SPAG16: variants seen among roughly 807,000 people sequenced by gnomAD.
The protein encoded by SPAG16 is sperm-associated antigen 16 protein.
SPAG16 carries 86 observed loss-of-function variants against 80.4 expected under a neutral mutation model. The observed-to-expected ratio is 1.07, with a 90% confidence interval of 0.90 to 1.28. The LOEUF (loss-of-function observed/expected upper bound fraction) is 1.28. Among genes scored for constraint, SPAG16 ranks in the 50% most tolerant of loss-of-function variants. The pLI, the probability that SPAG16 is intolerant of heterozygous loss-of-function variation, is 0.00. For synonymous variants in SPAG16, 294 were observed against 265.9 expected (o/e 1.11, Z -1.03); for missense variants, 870 against 765.3 (o/e 1.14, Z -1.61).
At chr2:213,290,640 A>G (rs1319105654) in intron 1 of SPAG16, among the ~76,000 whole-genome samples, 3 of 152,202 alleles carry the variant, frequency 2.0e-5, no homozygotes, top group Non-Finnish European at 4.4e-5. Context: ...CCAGAATGCT[A>G]GCTTATTATT....
intron 15 of SPAG16, among the ~76,000 whole-genome samples, chr2:214,374,876 T>A (rs1333037687): frequency 1.3e-5 from 2 of 152,222 alleles, no homozygotes; most frequent in African/African-American, 4.8e-5. Flanking sequence ...GTCTTTTATT[T>A]ATTTCTTGTG....
At chr2:213,860,456 TATAC>T (rs2075393460) in intron 10 of SPAG16, among the ~76,000 whole-genome samples, 1 of 119,338 alleles carries the variant, frequency 8.4e-6, no homozygotes, top group Non-Finnish European at 1.9e-5. Context: ...TATGTATATA[TATAC>T]AGATATATCT....
chr2:214,215,972 C>A (rs2058421356), intron 15 of SPAG16, among the ~76,000 whole-genome samples: 1 of 152,164 alleles, frequency 6.6e-6, no homozygotes, highest in Non-Finnish European at 1.5e-5. Context: ...TTTGAAAAGG[C>A]CTGATAGATA....
intron 3 of SPAG16, among the ~76,000 whole-genome samples, chr2:213,309,315 A>C (rs1262760804): frequency 1.3e-5 from 2 of 152,238 alleles, no homozygotes; most frequent in East Asian, 3.9e-4. Context: ...TTTATTTATA[A>C]GAACTGTTAG....
intron 9 of SPAG16, among the ~76,000 whole-genome samples, chr2:213,435,405 T>C (rs1575583889): frequency 6.6e-6 from 1 of 151,852 alleles, no homozygotes; most frequent in Non-Finnish European, 1.5e-5. Flanking sequence ...GAAGCAGGGG[T>C]GAGGGACAAG....
intron 13 of SPAG16, among the ~76,000 whole-genome samples, chr2:214,017,381 G>GAATA (rs2047645381): frequency 6.6e-6 from 1 of 152,068 alleles, no homozygotes; most frequent in South Asian, 2.1e-4. Flanking sequence ...ATTGGTAGAG[G>GAATA]AATATCCATA....
intron 5 of SPAG16, among the ~76,000 whole-genome samples, chr2:213,321,670 T>C (rs922521875): frequency 6.6e-6 from 1 of 152,172 alleles, no homozygotes; most frequent in African/African-American, 2.4e-5. Flanking sequence ...TTTTCTCTGT[T>C]GTCAACAGTG....
chr2:213,692,810 GA>G (rs747223234), intron 10 of SPAG16, among the ~76,000 whole-genome samples: 2,145 of 86,122 alleles, frequency 0.025, 54 homozygotes, highest in African/African-American at 0.081. Context: ...ACTCGGTCTC[GA>G]AAAAAAAAAA....
At chr2:213,513,716 T>C (rs116458318) in intron 10 of SPAG16, among the ~76,000 whole-genome samples, 187 of 152,316 alleles carry the variant, frequency 1.2e-3, no homozygotes, top group African/African-American at 4.1e-3. Flanking sequence ...GCGGAATCTC[T>C]GTCACATCGT....
intron 10 of SPAG16, among the ~76,000 whole-genome samples, chr2:213,633,445 A>G (rs1402169757): frequency 1.3e-5 from 2 of 152,138 alleles, no homozygotes; most frequent in Non-Finnish European, 2.9e-5. Flanking sequence ...GCTCTAATAT[A>G]TAGTCTATCA....
rs140046610 is a variant in SPAG16 at position 214,149,813 on chromosome 2, G to A, written c.1720+547G>A. Among the ~76,000 whole-genome samples, 586 of 152,062 alleles carry A rather than the reference G, an allele frequency of 3.9e-3. 2 individuals are homozygous for A. The highest frequency in any genetic ancestry group is 6.0e-3 in the Non-Finnish European group (405 of 67,928). Reference sequence around the variant, plus strand: ...TAGTTTTTATTCCACAATGATATAAGTATTATCAATTAGATAAAATATTTT... The same window carrying A: ...TAGTTTTTATTCCACAATGATATAAATATTATCAATTAGATAAAATATTTT... On this transcript the variant is annotated intron_variant, in intron 15 of 15. Coordinates refer to ENST00000331683, the MANE Select transcript of SPAG16 (RefSeq NM_024532.5).
chr2:214,375,080 C>T lies in SPAG16; in HGVS notation c.1721-35060C>T, dbSNP rs140042712. On this transcript the variant is annotated intron_variant, in intron 15 of 15. Coordinates refer to ENST00000331683, the MANE Select transcript of SPAG16 (RefSeq NM_024532.5). ...GAACATGTGTCAGAACAGGGTATCT[C>T]ACCTTAATCAGCCACAGAACTAATT... Among the ~76,000 whole-genome samples, 505 of 152,248 alleles carry T rather than the reference C, an allele frequency of 3.3e-3. 1 individual carries two copies. The Middle Eastern group carries it at 0.034, about 10-fold the overall frequency.
At chr2:213,837,276 A>G (rs1014086376) in intron 10 of SPAG16, among the ~76,000 whole-genome samples, 1 of 152,218 alleles carries the variant, frequency 6.6e-6, no homozygotes, top group Admixed American at 6.5e-5. Flanking sequence ...ATTAGAATCT[A>G]TTTACTATAT....
chr2:213,853,918 C>T (rs192061503), intron 10 of SPAG16, among the ~76,000 whole-genome samples: 10 of 152,096 alleles, frequency 6.6e-5, no homozygotes, highest in South Asian at 2.1e-4. Context: ...TCTTCAGCTC[C>T]GCATGCCCAG....
At chr2:213,681,721 A>G (rs977158769) in intron 10 of SPAG16, among the ~76,000 whole-genome samples, 1 of 152,198 alleles carries the variant, frequency 6.6e-6, no homozygotes, top group Non-Finnish European at 1.5e-5. Context: ...ACCTTCTGAA[A>G]TATGCATAGC....
chr2:213,297,344 A>C lies in SPAG16; in HGVS notation c.266A>C (p.Asp89Ala), dbSNP rs561908459. The C allele has an allele frequency of 1.2e-6, 2 of 1,608,500 alleles. No individual in the cohort carries two copies. The highest frequency in any genetic ancestry group is 2.2e-5 in the South Asian group (2 of 90,188). The change falls in exon 3 of 16, where the codon GAT becomes GCT. Residue 89 changes from aspartate (D) to alanine (A), a missense_variant. Asp to Ala is a moderately radical substitution (Grantham distance 126, BLOSUM62 -2). Coordinates refer to ENST00000331683, the MANE Select transcript of SPAG16 (RefSeq NM_024532.5). ...CAGATGGCCCAAGAACAGGCTACAGATACTGAAATTTTGGTGAGAATTTGA... is the reference window on the plus strand; with the variant it reads ...CAGATGGCCCAAGAACAGGCTACAGCTACTGAAATTTTGGTGAGAATTTGA... ...AIQMAQEQATDTEILERKTVL... is the reference protein window; with the variant it reads ...AIQMAQEQATATEILERKTVL...
intron 9 of SPAG16, among the ~76,000 whole-genome samples, chr2:213,465,060 C>G (rs540525078): frequency 6.6e-6 from 1 of 152,286 alleles, no homozygotes; most frequent in African/African-American, 2.4e-5. Context: ...GCAATTTCAT[C>G]TATCTCCTTT....
At chr2:213,901,903 C>A (rs1311864670) in intron 11 of SPAG16, among the ~76,000 whole-genome samples, 3 of 152,066 alleles carry the variant, frequency 2.0e-5, no homozygotes, top group Non-Finnish European at 4.4e-5. Context: ...TCCTATAGAA[C>A]CATGTGAACA....
At chr2:213,656,369 A>G (rs111411189) in intron 10 of SPAG16, among the ~76,000 whole-genome samples, 2,933 of 152,182 alleles carry the variant, frequency 0.019, 44 homozygotes, top group Middle Eastern at 0.044. Context: ...ACGGGGTTTC[A>G]CCGTGTTAGC....
Sources: gnomAD v4.1 joint callset for allele counts (sites outside exome capture counted in the v4.1 genomes callset) on GRCh38, gnomAD v4.1.1 for gene constraint, MANE v1.5 for transcripts, NCBI Gene and HGNC (gene_info 2026-07-23, HGNC 2026-07-21) for gene names.